TEP1: variants seen among roughly 807,000 people sequenced by gnomAD.
TEP1 encodes telomerase associated protein 1.
TEP1 carries 241 observed loss-of-function variants against 306.3 expected under a neutral mutation model. The ratio of observed to expected loss-of-function variants is 0.79; its 90% CI spans 0.71 to 0.88. The LOEUF is 0.88. Among genes scored for constraint, TEP1 ranks in the 40% least tolerant of loss-of-function variants. The pLI is 0.00. For missense variants in TEP1, 3,051 were observed against 3,276.1 expected (o/e 0.93, Z 1.68); for synonymous variants, 1,289 against 1,305.5 (o/e 0.99, Z 0.27).
At chr14:20,370,056 G>A (rs1049666245) in intron 51 of TEP1, among the ~76,000 whole-genome samples, 8 of 152,202 alleles carry the variant, frequency 5.3e-5, no homozygotes, top group South Asian at 2.1e-4. Context: ...TGGGAACACC[G>A]GCGTGCGCCA....
rs373900934 is a variant in TEP1, at chr14:20,386,629, G to C, written c.2685-6C>G. 1.3e-6 allele frequency: 2 copies of C among 1,586,758 alleles called. No individual in the cohort carries two copies. Among genetic ancestry groups the C allele is most frequent in the Non-Finnish European group, 1.7e-6 (2 of 1,163,860 alleles). Reference sequence around the variant, plus strand: ...AAAGCCGGATGCTGCGCCATCTGGGGATAAGCAGAGAGCTGGGCTCAGTCT... The same window carrying C: ...AAAGCCGGATGCTGCGCCATCTGGGCATAAGCAGAGAGCTGGGCTCAGTCT... On this transcript the variant is annotated splice_polypyrimidine_tract_variant and splice_region_variant and intron_variant, in intron 18 of 54. Coordinates refer to ENST00000262715, the MANE Select transcript of TEP1 (RefSeq NM_007110.5).
In TEP1 at chr14:20,396,739, T is replaced by C. The variant is rs746273158; in HGVS notation, c.1550-9A>G. On this transcript the variant is annotated splice_polypyrimidine_tract_variant and intron_variant, in intron 9 of 54. Coordinates refer to ENST00000262715, the MANE Select transcript of TEP1 (RefSeq NM_007110.5). ...GGGAAGCTTCCCATTTTCTGTGGAA[T>C]GTGGGGCATAGAGTGAGAAAAACAA... 4 of 1,593,942 alleles carry C rather than the reference T, an allele frequency of 2.5e-6. No homozygotes were observed. In the South Asian group the frequency reaches 3.4e-5, roughly 13 times the overall value.
At chr14:20,392,240 A>C (rs369786152) in intron 12 of TEP1, among the ~76,000 whole-genome samples, 15 of 152,244 alleles carry the variant, frequency 9.9e-5, no homozygotes, top group African/African-American at 2.9e-4. Context: ...TTCCAGTTAA[A>C]AAATATGCAG....
intron 8 of TEP1, 56 bp downstream of exon 8, chr14:20,401,401 T>G (rs1188194197): frequency 6.2e-7 from 1 of 1,604,844 alleles, no homozygotes; most frequent in Non-Finnish European, 8.5e-7. Flanking sequence ...GCCACGGATG[T>G]TGAAAAGTTA....
Position 20,371,380 on chromosome 14 carries a change from T to G in TEP1, c.7221-66A>C. On this transcript the variant is annotated intron_variant, in intron 50 of 54. Coordinates refer to ENST00000262715, the MANE Select transcript of TEP1 (RefSeq NM_007110.5). ...AGAGAGGTAAAGAGAAGAACACCTC[T>G]CTTTAAGACTCCAGAGTTTTCTTCT... The G allele has an allele frequency of 2.5e-6, 4 of 1,595,960 alleles. No individual in the cohort carries two copies. The South Asian group carries it at 4.4e-5, about 18-fold the overall frequency.
chr14:20,384,283 T>C, intron 23 of TEP1, 51 bp from the exon 24 acceptor site: 11 of 1,608,752 alleles, frequency 6.8e-6, no homozygotes, highest in Non-Finnish European at 9.4e-6. Context: ...TCCTCAGCAC[T>C]CCCAGGCTAA....
chr14:20,381,668 A>G lies in TEP1; in HGVS notation c.4443T>C (p.Pro1481=). The change falls in exon 31 of 55, where the codon CCT becomes CCC. Residue 1481 remains proline (P), a synonymous_variant. Coordinates refer to ENST00000262715, the MANE Select transcript of TEP1 (RefSeq NM_007110.5). This position sits in a 1 kb window ranked among gnomAD's most constrained non-coding sequence, Gnocchi z 4.0. ...QSLRSLLGEG[P]LERPGARLCL... ...ACAGCCGGGCACCAGGGCGCTCCAG[A>G]GGGCCCTCCCCTAGCAAACTGTCCT... The G allele has an allele frequency of 1.9e-6, 3 of 1,609,328 alleles. No individual in the cohort carries two copies. The highest frequency in any genetic ancestry group is 2.5e-6 in the Non-Finnish European group (3 of 1,177,916).
Position 20,383,937 on chromosome 14 carries a change from G to C in TEP1, c.3535-19C>G. Reference sequence around the variant, plus strand: ...GAGATGCCTGCATGGGACAGGAACAGAAAACATGGTCACATTTTACATGCC... The same window carrying C: ...GAGATGCCTGCATGGGACAGGAACACAAAACATGGTCACATTTTACATGCC... On this transcript the variant is annotated intron_variant, in intron 24 of 54. Transcript: ENST00000262715. 1.9e-6 allele frequency: 3 copies of C among 1,594,330 alleles called. No individual in the cohort carries two copies. The highest frequency in any genetic ancestry group is 2.6e-6 in the Non-Finnish European group (3 of 1,175,190).
At chr14:20,395,003 T>A (rs975281614) in intron 12 of TEP1, among the ~76,000 whole-genome samples, 1 of 152,138 alleles carries the variant, frequency 6.6e-6, no homozygotes, top group African/African-American at 2.4e-5. Context: ...ATGGTAACTA[T>A]CTTTGTGTGT....
At chr14:20,379,855 T>C in intron 35 of TEP1, 75 bp downstream of exon 35, 1 of 1,525,046 alleles carries the variant, frequency 6.6e-7, no homozygotes. Context: ...CAGGTGTGTT[T>C]GGCTCATCTA....
At chr14:20,406,524 TTC>T in intron 2 of TEP1, 124 bp from the exon 3 acceptor site, 1 of 948,976 alleles carries the variant, frequency 1.1e-6, no homozygotes, top group Non-Finnish European at 1.6e-6. Flanking sequence ...ACCTCTAATG[TTC>T]TCTCCCTTCA....
chr14:20,403,429 G>A lies in TEP1; in HGVS notation c.1214C>T (p.Ser405Phe), dbSNP rs1337666406. Residue 405 changes from serine (S) to phenylalanine (F), a missense_variant, in exon 7 of 55, where the codon TCT becomes TTT. Around this residue, in one of 3 missense-constraint regions of TEP1, gnomAD observed 1,507 missense variants for 1,550.5 expected, o/e 0.97. Transcript: ENST00000262715. ...TATGTACCTTGGAAAACATCTGTGA[G>A]AAAATGGAGGCTCCATCCCCTGTAG... ...PRSPGMEPPF[S>F]HRCFPRYIGF... 6.2e-7 allele frequency: 1 copy of A among 1,614,196 alleles called. No homozygotes were observed. Among genetic ancestry groups the A allele is most frequent in the Non-Finnish European group, 8.5e-7 (1 of 1,180,036 alleles).
At position 20,386,542 on chromosome 14, in the gene TEP1, C is replaced by T. The variant is rs768533512; in HGVS notation, c.2766G>A (p.Leu922=). The change falls in exon 19 of 55, where the codon CTG becomes CTA. Residue 922 remains leucine (L), a synonymous_variant. Coordinates refer to ENST00000262715, the MANE Select transcript of TEP1 (RefSeq NM_007110.5). ...GGGCCGCTCGGGCCTGCAGTGCTGG[C>T]AGCACAGACCTCAGCAGCAGGTCCC... ...GERDLLLRSV[L]PALQARAAPH... The T allele has an allele frequency of 6.2e-7, 1 of 1,612,836 alleles. No homozygotes were observed. The highest frequency in any genetic ancestry group is 8.5e-7 in the Non-Finnish European group (1 of 1,179,174).
At chr14:20,398,928 G>GAGTC (rs1878443737) in intron 9 of TEP1, among the ~76,000 whole-genome samples, 1 of 151,656 alleles carries the variant, frequency 6.6e-6, no homozygotes, top group Non-Finnish European at 1.5e-5. Flanking sequence ...TTTTGAGATG[G>GAGTC]AGTCTGTCTC....
chr14:20,384,286 C>T (rs1263716606), intron 23 of TEP1, 54 bp from the exon 24 acceptor site: 3 of 1,608,356 alleles, frequency 1.9e-6, no homozygotes, highest in Non-Finnish European at 2.6e-6. Flanking sequence ...TCAGCACTCC[C>T]AGGCTAAAAC....
intron 4 of TEP1, 102 bp from the exon 5 acceptor site, chr14:20,404,874 T>C: frequency 2.2e-6 from 3 of 1,364,366 alleles, no homozygotes; most frequent in Non-Finnish European, 2.0e-6. Flanking sequence ...AAACCTTTCC[T>C]GAGCCCTCCA....
intron 39 of TEP1, 50 bp downstream of exon 39, chr14:20,377,974 G>A (rs1885292567): frequency 6.4e-7 from 1 of 1,568,870 alleles, no homozygotes; most frequent in Non-Finnish European, 8.7e-7. Flanking sequence ...GATATTCTTT[G>A]CCTTTGCTAC....
intron 13 of TEP1, 81 bp from the exon 14 acceptor site, chr14:20,391,177 C>T: frequency 1.4e-6 from 2 of 1,441,736 alleles, no homozygotes; most frequent in Non-Finnish European, 9.5e-7. Flanking sequence ...GAGGCCAAAC[C>T]CTTCCATTGG....
rs943680933 is a variant in TEP1 at position 20,381,726 on chromosome 14, G to A, written c.4425-40C>T. 6.4e-7 allele frequency: 1 copy of A among 1,554,324 alleles called. No individual in the cohort carries two copies. Among genetic ancestry groups the A allele is most frequent in the Non-Finnish European group, 8.7e-7 (1 of 1,153,272 alleles). On this transcript the variant is annotated intron_variant, in intron 30 of 54. Coordinates refer to ENST00000262715, the MANE Select transcript of TEP1 (RefSeq NM_007110.5). This position sits in a 1 kb window ranked among gnomAD's most constrained non-coding sequence, Gnocchi z 4.0. ...GGAAGGGAGAGAGAAGAAGGAAGAGGCCTGTCAGTGAGCTTCCTGGCACAC... is the reference window on the plus strand; with the variant it reads ...GGAAGGGAGAGAGAAGAAGGAAGAGACCTGTCAGTGAGCTTCCTGGCACAC...
Sources: allele counts gnomAD v4.1 joint callset (sites outside exome capture counted in the v4.1 genomes callset), GRCh38; gene constraint gnomAD v4.1.1; regional missense constraint gnomAD v4.1.1; non-coding constraint Gnocchi (gnomAD v3.1); transcripts MANE v1.5; gene names NCBI Gene and HGNC (gene_info 2026-07-23, HGNC 2026-07-21).